SNCAIP: variants seen among roughly 807,000 people sequenced by gnomAD.
SNCAIP encodes the protein synphilin-1.
In SNCAIP, 43 loss-of-function variants were observed where a neutral mutation model predicts 86.7. The ratio of observed to expected loss-of-function variants is 0.50; its 90% CI spans 0.39 to 0.64. The LOEUF is 0.64. Among genes scored for constraint, SNCAIP ranks in the 30% least tolerant of loss-of-function variants. The pLI is 0.00. For synonymous variants in SNCAIP, 417 were observed against 427.2 expected, an observed-to-expected ratio of 0.98 and a Z score of 0.29; for missense variants, 981 against 1,103.1, an observed-to-expected ratio of 0.89 and a Z score of 1.57.
chr5:122,332,392 G>A (rs141260120), intron 1 of SNCAIP, among the ~76,000 whole-genome samples: 13 of 152,310 alleles, frequency 8.5e-5, no homozygotes, highest in African/African-American at 2.9e-4. Context: ...GAAAATCCAT[G>A]TGTAATGAAA....
chr5:122,369,351 G>A (rs1763821025), intron 1 of SNCAIP, among the ~76,000 whole-genome samples: 1 of 152,176 alleles, frequency 6.6e-6, no homozygotes, highest in African/African-American at 2.4e-5. Context: ...GGAACCCAAT[G>A]TACTTTGAGA....
At chr5:122,325,274 G>A (rs145057194) in intron 1 of SNCAIP, among the ~76,000 whole-genome samples, 1 of 152,218 alleles carries the variant, frequency 6.6e-6, no homozygotes, top group East Asian at 1.9e-4. Flanking sequence ...TTCCGGTTGG[G>A]TTTGGCCAAT....
At chr5:122,376,423 T>G (rs948270109) in intron 1 of SNCAIP, among the ~76,000 whole-genome samples, 1 of 152,194 alleles carries the variant, frequency 6.6e-6, no homozygotes, top group Non-Finnish European at 1.5e-5. Flanking sequence ...CATAACTGAG[T>G]AAGGGCTCCA....
chr5:122,393,384 T>A (rs1769851990), intron 2 of SNCAIP, among the ~76,000 whole-genome samples: 1 of 152,192 alleles, frequency 6.6e-6, no homozygotes, highest in African/African-American at 2.4e-5. Flanking sequence ...ATTTTACAGA[T>A]GAGGAAACTG....
chr5:122,314,280 G>GA (rs1291339004), intron 1 of SNCAIP, among the ~76,000 whole-genome samples: 2 of 152,194 alleles, frequency 1.3e-5, no homozygotes, highest in African/African-American at 4.8e-5. Flanking sequence ...GATATTAGCA[G>GA]AAAAAGCCTG....
chr5:122,443,206 T>C (rs928924479), intron 7 of SNCAIP, among the ~76,000 whole-genome samples: 1 of 152,138 alleles, frequency 6.6e-6, no homozygotes. Context: ...GTCTAAGTAG[T>C]CTAAAAATTT....
chr5:122,390,719 G>C (rs112245159), intron 1 of SNCAIP, among the ~76,000 whole-genome samples: 29 of 152,246 alleles, frequency 1.9e-4, no homozygotes, highest in African/African-American at 5.5e-4. Flanking sequence ...AGATTTCCAG[G>C]CTGGCTCCCC....
intron 1 of SNCAIP, among the ~76,000 whole-genome samples, chr5:122,349,791 C>A (rs1759397833): frequency 6.6e-6 from 1 of 152,126 alleles, no homozygotes; most frequent in African/African-American, 2.4e-5. Context: ...CAAATATAGT[C>A]TTTATTTCCT....
rs368582954 is a variant in SNCAIP, at chr5:122,387,105, A to C, written c.-46-3984A>C. Among the ~76,000 whole-genome samples the C allele has an allele frequency of 5.9e-5, 9 of 152,114 alleles. No individual in the cohort carries two copies. The East Asian group carries it at 9.7e-4, about 16-fold the overall frequency. On this transcript the variant is annotated intron_variant, in intron 1 of 10. Coordinates refer to ENST00000261368, the MANE Select transcript of SNCAIP (RefSeq NM_005460.4). ...ACAAATGACTAGGTCCTGAGATCCAAAAGGGGCCTATGATGCATAGCAATA... is the reference window on the plus strand; with the variant it reads ...ACAAATGACTAGGTCCTGAGATCCACAAGGGGCCTATGATGCATAGCAATA...
At chr5:122,330,837 A>C (rs1463821419) in intron 1 of SNCAIP, among the ~76,000 whole-genome samples, 2 of 152,036 alleles carry the variant, frequency 1.3e-5, no homozygotes, top group South Asian at 4.2e-4. Flanking sequence ...TATATGATGA[A>C]ATAATTGTAC....
chr5:122,348,509 C>A (rs1759086635), intron 1 of SNCAIP, among the ~76,000 whole-genome samples: 1 of 152,098 alleles, frequency 6.6e-6, no homozygotes, highest in Admixed American at 6.6e-5. Context: ...GTTAATGTTT[C>A]TGTTCATCAG....
intron 10 of SNCAIP, among the ~76,000 whole-genome samples, chr5:122,461,986 G>A (rs1786448605): frequency 1.3e-5 from 2 of 152,042 alleles, no homozygotes; most frequent in South Asian, 4.2e-4. Context: ...AGTTTTATGT[G>A]CAAATCTTAT....
intron 3 of SNCAIP, among the ~76,000 whole-genome samples, chr5:122,411,979 A>C (rs1045559239): frequency 6.6e-6 from 1 of 152,170 alleles, no homozygotes; most frequent in Non-Finnish European, 1.5e-5. Context: ...CAAGATATGC[A>C]GTGGGAAACT....
intron 6 of SNCAIP, among the ~76,000 whole-genome samples, chr5:122,432,817 A>C (rs1042084512): frequency 6.6e-6 from 1 of 152,176 alleles, no homozygotes; most frequent in Non-Finnish European, 1.5e-5. Context: ...TATCTTTTTA[A>C]AAAACTGGAA....
chr5:122,391,073 C>A lies in SNCAIP; in HGVS notation c.-46-16C>A. The A allele has an allele frequency of 7.1e-7, 1 of 1,409,760 alleles. No homozygotes were observed. Among genetic ancestry groups the A allele is most frequent in the Non-Finnish European group, 1.0e-6 (1 of 994,274 alleles). The allele number at this position is 1,409,760 out of a possible 1,614,324, so 87.3% of individuals were successfully genotyped here. On this transcript the variant is annotated splice_polypyrimidine_tract_variant and intron_variant, in intron 1 of 10. Transcript: ENST00000261368. The stretch of plus-strand genomic sequence containing the variant: ...TAAATTTTTTTGCCTTTCTTTTCTG[C>A]TTCTGTCTCGTTCAGGAATTTATAA...
chr5:122,320,834 T>A (rs1023621264), intron 1 of SNCAIP, among the ~76,000 whole-genome samples: 1 of 152,240 alleles, frequency 6.6e-6, no homozygotes, highest in Non-Finnish European at 1.5e-5. Flanking sequence ...AAGCTGCTTC[T>A]AATTTATTTG....
chr5:122,353,084 G>A (rs1446548669), intron 1 of SNCAIP, among the ~76,000 whole-genome samples: 1 of 152,120 alleles, frequency 6.6e-6, no homozygotes, highest in Non-Finnish European at 1.5e-5. Flanking sequence ...ACTTTCAAAA[G>A]TACTTTTTCT....
chr5:122,446,443 G>T (rs1022681368), intron 8 of SNCAIP, among the ~76,000 whole-genome samples: 1 of 152,158 alleles, frequency 6.6e-6, no homozygotes, highest in African/African-American at 2.4e-5. Flanking sequence ...AAACTTTCAT[G>T]AGCTACAATC....
chr5:122,453,296 A>C (rs1366482117), intron 10 of SNCAIP, among the ~76,000 whole-genome samples: 1 of 152,196 alleles, frequency 6.6e-6, no homozygotes, highest in Admixed American at 6.5e-5. Flanking sequence ...AATGGAGTCA[A>C]GTATTAAGAA....
Sources: allele counts gnomAD v4.1 joint callset (sites outside exome capture counted in the v4.1 genomes callset), GRCh38; gene constraint gnomAD v4.1.1; transcripts MANE v1.5; gene names NCBI Gene and HGNC (gene_info 2026-07-23, HGNC 2026-07-21).